Variants in HK2 observed in about 807,000 individuals in gnomAD.
HK2 encodes hexokinase 2, also known as hexokinase-2.
In HK2, 42 loss-of-function variants were observed where a neutral mutation model predicts 92.9. That is an observed-to-expected ratio of 0.45 (90% CI 0.35 to 0.58). The LOEUF (loss-of-function observed/expected upper bound fraction) is 0.58. HK2 is among the 20% of genes least tolerant of loss of function. The pLI is 0.00. For synonymous variants in HK2, 422 were observed against 468.0 expected (o/e 0.90, Z 1.27); for missense variants, 978 against 1,245.1 (o/e 0.79, Z 3.23).
intron 2 of HK2, among the ~76,000 whole-genome samples, 165 bp from the exon 3 acceptor site, chr2:74,867,471 G>T (rs1193694583): frequency 6.6e-6 from 1 of 152,028 alleles, no homozygotes; most frequent in Non-Finnish European, 1.5e-5. Context: ...TAATGTAAAG[G>T]TGTATAGCAT....
At chr2:74,864,613 T>G (rs1271026680) in intron 2 of HK2, among the ~76,000 whole-genome samples, 1 of 152,142 alleles carries the variant, frequency 6.6e-6, no homozygotes, top group Non-Finnish European at 1.5e-5. Flanking sequence ...TTCTAGTGAT[T>G]CTCTTGCCTC....
intron 3 of HK2, among the ~76,000 whole-genome samples, chr2:74,871,603 C>T (rs769556115): frequency 1.6e-4 from 24 of 152,274 alleles, no homozygotes; most frequent in Non-Finnish European, 2.5e-4. Flanking sequence ...CGTGCGGTCA[C>T]GGTTGTGAGG....
intron 13 of HK2, 102 bp from the exon 14 acceptor site, chr2:74,886,192 T>C: frequency 1.1e-6 from 1 of 873,394 alleles, no homozygotes. Flanking sequence ...AGCCATGGTG[T>C]ATGATATATA....
intron 11 of HK2, 100 bp downstream of exon 11, chr2:74,881,959 C>T (rs935917338): frequency 6.8e-7 from 1 of 1,465,098 alleles, no homozygotes; most frequent in South Asian, 1.2e-5. Context: ...CTGGGGAGGG[C>T]TAGCTGGACC....
At chr2:74,835,643 A>C (rs1688146158) in intron 1 of HK2, among the ~76,000 whole-genome samples, 1 of 152,164 alleles carries the variant, frequency 6.6e-6, no homozygotes, top group Non-Finnish European at 1.5e-5. Context: ...GGGCAGGGCC[A>C]GGGGCGCGCT....
chr2:74,884,749 T>C (rs975263813), intron 12 of HK2, among the ~76,000 whole-genome samples: 7 of 152,198 alleles, frequency 4.6e-5, no homozygotes, highest in Admixed American at 3.3e-4. Context: ...CTGAGGCTTG[T>C]TTCCTGGTGG....
At chr2:74,888,437 C>T (rs980159005) in intron 16 of HK2, among the ~76,000 whole-genome samples, 13 of 152,236 alleles carry the variant, frequency 8.5e-5, no homozygotes, top group African/African-American at 2.4e-4. Context: ...CTGCAGTAAT[C>T]AGGCAGCCAG....
intron 3 of HK2, chr2:74,868,010 G>C: frequency 1.9e-6 from 1 of 532,714 alleles, no homozygotes; most frequent in South Asian, 1.9e-5. Flanking sequence ...TAGAGAAGAA[G>C]CATGAAATCC....
intron 3 of HK2, 80 bp from the exon 4 acceptor site, chr2:74,872,220 G>C (rs543155223): frequency 6.9e-7 from 1 of 1,443,114 alleles, no homozygotes; most frequent in Non-Finnish European, 9.7e-7. Context: ...AGCTAGTTAC[G>C]TGCTGAGCCT....
rs113177320 is a variant in HK2 at position 74,865,973 on chromosome 2, A to C, written c.227-1663A>C. Among the ~76,000 whole-genome samples, 118 of 152,240 alleles carry C rather than the reference A, an allele frequency of 7.8e-4. 1 individual carries two copies. Among genetic ancestry groups the C allele is most frequent in the African/African-American group, 2.7e-3 (111 of 41,484 alleles). On this transcript the variant is annotated intron_variant, in intron 2 of 17. Transcript: ENST00000290573. The stretch of plus-strand genomic sequence containing the variant: ...AATGTTCCCATTTTAGAGATGAAGC[A>C]GCTGAGGCTCAGAGGCTCAGGAACT...
At chr2:74,855,528 C>G (rs1688674705) in intron 2 of HK2, among the ~76,000 whole-genome samples, 1 of 152,188 alleles carries the variant, frequency 6.6e-6, no homozygotes, top group South Asian at 2.1e-4. Flanking sequence ...GCTACCGCAC[C>G]CAGCCCAGAA....
intron 2 of HK2, among the ~76,000 whole-genome samples, chr2:74,865,586 A>G (rs1688926294): frequency 6.6e-6 from 1 of 152,066 alleles, no homozygotes; most frequent in Non-Finnish European, 1.5e-5. Context: ...TGTCTGGAAA[A>G]GCCACCCATG....
At chr2:74,853,770 CT>C (rs5832143) in intron 1 of HK2, among the ~76,000 whole-genome samples, 26,340 of 151,690 alleles carry the variant, frequency 0.17, 2,880 homozygotes, top group East Asian at 0.32. Context: ...GGATTTTGAG[CT>C]TTGTTCCAAT....
At position 74,834,181 on chromosome 2, in the gene HK2, G is replaced by T; in HGVS notation, c.-400G>T. On this transcript the variant is annotated 5_prime_UTR_variant, in exon 1 of 18. Coordinates refer to ENST00000290573, the MANE Select transcript of HK2 (RefSeq NM_000189.5). This position sits in a 1 kb window ranked among gnomAD's most constrained non-coding sequence, Gnocchi z 4.2. ...GTCCCGGGCTGCCGCTGGCAACATC[G>T]TGTCACCCAGCTAAGAAAATCCGCG... 2.8e-6 allele frequency: 1 copy of T among 354,532 alleles called. No homozygotes were observed. Among genetic ancestry groups the T allele is most frequent in the Non-Finnish European group, 5.5e-6 (1 of 181,416 alleles). The allele number at this position is 354,532 out of a possible 1,614,324, so 22.0% of individuals were successfully genotyped here. A position where few individuals can be genotyped will look rare whatever the true frequency, so the allele number is the denominator to read the frequency against.
At chr2:74,872,872 T>C (rs2103957553) in intron 4 of HK2, among the ~76,000 whole-genome samples, 1 of 152,334 alleles carries the variant, frequency 6.6e-6, no homozygotes, top group East Asian at 1.9e-4. Flanking sequence ...CTAGATGGTA[T>C]AGACTACTAC....
At chr2:74,880,159 G>A (rs1477474081) in intron 9 of HK2, 106 bp from the exon 10 acceptor site, 8 of 1,226,914 alleles carry the variant, frequency 6.5e-6, no homozygotes, top group African/African-American at 3.0e-5. Flanking sequence ...CACTCCTGCA[G>A]GTGCCTTTTG....
rs772799893 is a variant in HK2, at chr2:74,846,286, G to A, written c.64-8007G>A. On this transcript the variant is annotated intron_variant, in intron 1 of 17. Coordinates refer to ENST00000290573, the MANE Select transcript of HK2 (RefSeq NM_000189.5). ...CTTTGGCTCTTTGACTGTGTATAGT[G>A]GGTAAACTTGGGCCAAGTCAGTGCA... 1.1e-4 allele frequency among the ~76,000 whole-genome samples: 16 copies of A among 150,334 alleles called. No homozygotes were observed. The East Asian group carries it at 2.5e-3, about 24-fold the overall frequency.
At chr2:74,835,335 C>G (rs1386536) in intron 1 of HK2, 12 of 154,374 alleles carry the variant, frequency 7.8e-5, no homozygotes, top group Admixed American at 7.0e-4. Context: ...GGATCTGCCT[C>G]TGAGTAAGGG....
chr2:74,876,028 A>T (rs1449602727), intron 7 of HK2, among the ~76,000 whole-genome samples: 2 of 152,348 alleles, frequency 1.3e-5, no homozygotes. Context: ...TAAAAACTAG[A>T]ATAAAAACTT....
Sources: allele counts gnomAD v4.1 joint callset (sites outside exome capture counted in the v4.1 genomes callset), GRCh38; gene constraint gnomAD v4.1.1; non-coding constraint Gnocchi (gnomAD v3.1); transcripts MANE v1.5; gene names NCBI Gene and HGNC (gene_info 2026-07-23, HGNC 2026-07-21).